The following CPED1 variants were observed in gnomAD, a reference collection of about 807,000 sequenced individuals.
CPED1 encodes the protein cadherin-like and PC-esterase domain-containing protein 1.
In CPED1, 114 loss-of-function variants were observed where a neutral mutation model predicts 128.2. The ratio of observed to expected loss-of-function variants is 0.89; its 90% CI spans 0.76 to 1.04. The LOEUF is 1.04. Among genes scored for constraint, CPED1 ranks in the 50% least tolerant of loss-of-function variants. CPED1 has a pLI of 0.00. For missense variants in CPED1, 1,211 were observed against 1,207.1 expected (o/e 1.00, Z -0.05); for synonymous variants, 462 against 426.7 (o/e 1.08, Z -1.02).
intron 16 of CPED1, among the ~76,000 whole-genome samples, chr7:121,219,505 T>C (rs1797831427): frequency 6.6e-6 from 1 of 152,104 alleles, no homozygotes; most frequent in African/African-American, 2.4e-5. Context: ...ATTAATGTCA[T>C]ATTAATACAT....
At chr7:121,157,216 T>C (rs1414076729) in intron 16 of CPED1, among the ~76,000 whole-genome samples, 1 of 152,196 alleles carries the variant, frequency 6.6e-6, no homozygotes, top group Non-Finnish European at 1.5e-5. Flanking sequence ...TTGTAGGTTA[T>C]TGTTTGGAAC....
intron 7 of CPED1, among the ~76,000 whole-genome samples, chr7:121,106,889 G>A (rs956044112): frequency 9.9e-5 from 15 of 152,050 alleles, no homozygotes; most frequent in Non-Finnish European, 1.8e-4. Flanking sequence ...ACACCTTGCC[G>A]ATAACAAGTT....
At position 121,153,659 on chromosome 7, in the gene CPED1, G is replaced by C. The variant is rs189222192; in HGVS notation, c.2055+11518G>C. Among the ~76,000 whole-genome samples, 56 of 152,260 alleles carry C rather than the reference G, an allele frequency of 3.7e-4. 1 individual carries two copies. The East Asian group carries it at 9.8e-3, about 27-fold the overall frequency. The stretch of plus-strand genomic sequence containing the variant: ...GCAGAAACCATTTTTGAACCCAGAA[G>C]TCCTGGTTCCAGAGCACTGCTAATT... On this transcript the variant is annotated intron_variant, in intron 16 of 22. Coordinates refer to ENST00000310396, the MANE Select transcript of CPED1 (RefSeq NM_024913.5).
At chr7:121,159,390 G>T (rs1310349611) in intron 16 of CPED1, among the ~76,000 whole-genome samples, 1 of 152,164 alleles carries the variant, frequency 6.6e-6, no homozygotes, top group Non-Finnish European at 1.5e-5. Context: ...GGAGATCAAT[G>T]AGGGCCTCTG....
Position 121,244,309 on chromosome 7 carries a change from C to T in CPED1, c.2281C>T (p.Gln761Ter), listed in dbSNP as rs761822361. Residue 761 changes from glutamine (Q) to a stop codon, truncating the protein, a stop_gained, in exon 18 of 23, where the codon CAA becomes TAA. Coordinates refer to ENST00000310396, the MANE Select transcript of CPED1 (RefSeq NM_024913.5). LOFTEE classifies it high-confidence loss of function. Reference protein sequence around the residue: ...NCQYGVLTKPQLQQCLGGRKI... With the variant: ...NCQYGVLTKP ...CCAATATGGTGTCCTAACTAAGCCTCAACTCCAGCAGTGCCTGGGAGGAAG... is the reference window on the plus strand; with the variant it reads ...CCAATATGGTGTCCTAACTAAGCCTTAACTCCAGCAGTGCCTGGGAGGAAG... 2.0e-5 allele frequency: 33 copies of T among 1,613,988 alleles called. No homozygotes were observed. The South Asian group carries it at 3.6e-4, about 18-fold the overall frequency.
At position 121,125,939 on chromosome 7, in the gene CPED1, G is replaced by C. The variant is rs970388833; in HGVS notation, c.1134+47G>C. 5 of 1,298,544 alleles carry C rather than the reference G, an allele frequency of 3.9e-6. No individual in the cohort carries two copies. The African/African-American group carries it at 4.4e-5, about 11-fold the overall frequency. 80.4% of individuals were successfully genotyped at this position (1,298,544 alleles called of 1,614,324 possible). On this transcript the variant is annotated intron_variant, in intron 9 of 22. Transcript: ENST00000310396. ...TGTGAGCTTCTACCTTGTGGTGAGA[G>C]ATCAGTGTGTGTGTGTTGTTGTTGT...
At chr7:121,255,917 A>G (rs374054191) in intron 18 of CPED1, among the ~76,000 whole-genome samples, 22 of 152,120 alleles carry the variant, frequency 1.4e-4, no homozygotes, top group African/African-American at 4.8e-4. Flanking sequence ...GATGACATAA[A>G]TAAATGGAAA....
At chr7:121,097,873 T>C (rs1229609931) in intron 6 of CPED1, 42 bp downstream of exon 6, 1 of 1,605,634 alleles carries the variant, frequency 6.2e-7, no homozygotes, top group Non-Finnish European at 8.5e-7. Flanking sequence ...GCATGCATTG[T>C]AGGAGACAGC....
intron 2 of CPED1, among the ~76,000 whole-genome samples, chr7:121,002,908 A>T (rs537676304): frequency 6.6e-6 from 1 of 152,322 alleles, no homozygotes; most frequent in Admixed American, 6.5e-5. Flanking sequence ...GCACATTTCC[A>T]AAGTAACCAA....
intron 6 of CPED1, 82 bp downstream of exon 6, chr7:121,097,913 G>C: frequency 7.1e-7 from 1 of 1,405,946 alleles, no homozygotes; most frequent in Non-Finnish European, 9.7e-7. Flanking sequence ...AACAGATATG[G>C]GGGGTTCACA....
intron 7 of CPED1, among the ~76,000 whole-genome samples, chr7:121,113,124 A>C (rs768862907): frequency 3.9e-5 from 6 of 152,198 alleles, no homozygotes; most frequent in Non-Finnish European, 8.8e-5. Context: ...TTGCATATAT[A>C]AGTTTGTTCA....
intron 20 of CPED1, 123 bp from the exon 21 acceptor site, chr7:121,267,092 T>C (rs867563801): frequency 3.1e-6 from 2 of 654,682 alleles, no homozygotes; most frequent in Middle Eastern, 5.6e-4. Context: ...AAAACGAGCA[T>C]TTAGTCTTTT....
chr7:121,051,445 T>C, intron 4 of CPED1: 1 of 494,812 alleles, frequency 2.0e-6, no homozygotes, highest in East Asian at 6.8e-5. Flanking sequence ...GTGTGGGATA[T>C]TGAATTATGG....
intron 22 of CPED1, among the ~76,000 whole-genome samples, chr7:121,289,373 G>GA (rs756318349): frequency 1.3e-5 from 2 of 151,984 alleles, no homozygotes; most frequent in Non-Finnish European, 2.9e-5. Context: ...TTATATTAAA[G>GA]AAAAAAATCA....
intron 14 of CPED1, among the ~76,000 whole-genome samples, chr7:121,136,628 C>T (rs1006825513): frequency 2.0e-5 from 3 of 152,060 alleles, no homozygotes; most frequent in African/African-American, 4.8e-5. Context: ...ATTATTATTA[C>T]GATGGTCTTG....
intron 7 of CPED1, among the ~76,000 whole-genome samples, chr7:121,117,989 T>G (rs762426160): frequency 9.2e-5 from 14 of 152,144 alleles, no homozygotes; most frequent in Non-Finnish European, 1.6e-4. Flanking sequence ...TGCCAATCAC[T>G]AGGTAACAAA....
chr7:121,060,485 G>C (rs1793630984), intron 4 of CPED1, among the ~76,000 whole-genome samples: 1 of 152,286 alleles, frequency 6.6e-6, no homozygotes, highest in Admixed American at 6.5e-5. Context: ...CTAGCTCAAG[G>C]TTTGTAAACA....
rs2116777942 is a variant in CPED1 at position 121,005,670 on chromosome 7, AAC to A, written c.250-9993_250-9992del. ...TAATAAAAAAATTTAGAAACGAACAAACAAAAAAAGCTGTTATTCCCCATTTA... is the reference window on the plus strand; with the variant it reads ...TAATAAAAAAATTTAGAAACGAACAAAAAAAAAGCTGTTATTCCCCATTTA... On this transcript the variant is annotated intron_variant, in intron 2 of 22. Coordinates refer to ENST00000310396, the MANE Select transcript of CPED1 (RefSeq NM_024913.5). Among the ~76,000 whole-genome samples, 2 of 152,234 alleles carry A rather than the reference AAC, an allele frequency of 1.3e-5. 1 individual carries two copies. The highest frequency in any genetic ancestry group is 4.1e-4 in the South Asian group (2 of 4,828).
At chr7:121,102,829 CGT>C (rs1794888241) in intron 7 of CPED1, among the ~76,000 whole-genome samples, 1 of 152,070 alleles carries the variant, frequency 6.6e-6, no homozygotes, top group African/African-American at 2.4e-5. Context: ...TATCCCTGAC[CGT>C]GGCTACCACT....
Sources: allele counts gnomAD v4.1 joint callset (sites outside exome capture counted in the v4.1 genomes callset), GRCh38; gene constraint gnomAD v4.1.1; transcripts MANE v1.5; gene names NCBI Gene and HGNC (gene_info 2026-07-23, HGNC 2026-07-21).